RPRD1A: variants seen among roughly 807,000 people sequenced by gnomAD.
RPRD1A encodes regulation of nuclear pre-mRNA domain containing 1A.
In RPRD1A, 9 loss-of-function variants were observed where a neutral mutation model predicts 37.8. That is an observed-to-expected ratio of 0.24 (90% confidence interval 0.14 to 0.42). RPRD1A has a LOEUF of 0.42. RPRD1A is among the 10% of genes least tolerant of loss of function. RPRD1A has a pLI of 1.00. For synonymous variants in RPRD1A, 138 were observed against 139.7 expected (o/e 0.99, Z 0.08); for missense variants, 255 against 371.0 (o/e 0.69, Z 2.57).
chr18:36,067,509 C>G lies in RPRD1A; in HGVS notation c.-105G>C, dbSNP rs1233002649. On this transcript the variant is annotated 5_prime_UTR_variant, in exon 1 of 7. Coordinates refer to ENST00000399022, the MANE Select transcript of RPRD1A (RefSeq NM_018170.5). ...CCCCCTCACCCCACCCTTCCCCACGCTCTCACCACGGCCGCCGCTTCATCC... is the reference window on the plus strand; with the variant it reads ...CCCCCTCACCCCACCCTTCCCCACGGTCTCACCACGGCCGCCGCTTCATCC... 2.5e-6 allele frequency: 3 copies of G among 1,219,376 alleles called. No individual in the cohort carries two copies. Among genetic ancestry groups the G allele is most frequent in the African/African-American group, 3.1e-5 (2 of 64,998 alleles). The allele number at this position is 1,219,376 out of a possible 1,614,324, so 75.5% of individuals were successfully genotyped here.
Position 36,042,264 on chromosome 18 carries a change from T to C in RPRD1A, c.152-8427A>G, listed in dbSNP as rs143804065. 7.7e-3 allele frequency among the ~76,000 whole-genome samples: 1,167 copies of C among 152,284 alleles called. 46 individuals carry two copies. Among genetic ancestry groups the C allele is most frequent in the Admixed American group, 0.063 (969 of 15,294 alleles). ...TTCATAGCACTCCATACTATTCCTA[T>C]GGCACATCTACCCTAACTATAATTA... is the stretch of plus-strand genomic sequence containing the variant. On this transcript the variant is annotated intron_variant, in intron 1 of 6. Transcript: ENST00000399022.
chr18:36,016,572 T>C (rs960596615), intron 6 of RPRD1A, among the ~76,000 whole-genome samples: 1 of 152,192 alleles, frequency 6.6e-6, no homozygotes, highest in Non-Finnish European at 1.5e-5. Context: ...ATATCTCCTT[T>C]TGCTTTTTTT....
chr18:36,007,073 C>T (rs16967327), intron 6 of RPRD1A, among the ~76,000 whole-genome samples: 41,614 of 152,014 alleles, frequency 0.27, 6,153 homozygotes, highest in African/African-American at 0.4. Flanking sequence ...TCCCTTGCCA[C>T]CCTGTGTTTT....
At chr18:36,030,616 AAATATAC>A (rs1911708205) in intron 4 of RPRD1A, among the ~76,000 whole-genome samples, 185 bp downstream of exon 4, 1 of 152,244 alleles carries the variant, frequency 6.6e-6, no homozygotes, top group African/African-American at 2.4e-5. Flanking sequence ...TTTCTATGCA[AAATATAC>A]AATATACAAC....
chr18:36,056,221 G>A (rs948374557), intron 1 of RPRD1A, among the ~76,000 whole-genome samples: 1 of 151,876 alleles, frequency 6.6e-6, no homozygotes, highest in Admixed American at 6.6e-5. Context: ...ATTCTGGGTA[G>A]AGAAATGGTT....
chr18:36,054,336 G>GA (rs562491935), intron 1 of RPRD1A, among the ~76,000 whole-genome samples: 6 of 151,808 alleles, frequency 4.0e-5, no homozygotes, highest in Admixed American at 6.6e-5. Context: ...ACTAAAAATA[G>GA]AAAAAAATTA....
At chr18:36,045,788 G>T (rs962095996) in intron 1 of RPRD1A, among the ~76,000 whole-genome samples, 3 of 152,104 alleles carry the variant, frequency 2.0e-5, no homozygotes, top group Non-Finnish European at 4.4e-5. Context: ...CATTCCTTGG[G>T]AATCACATCA....
intron 6 of RPRD1A, chr18:36,025,817 G>T: frequency 3.3e-6 from 1 of 299,730 alleles, no homozygotes; most frequent in Admixed American, 5.0e-5. Context: ...TCATCACAAG[G>T]TGAAATAGTG....
intron 1 of RPRD1A, among the ~76,000 whole-genome samples, chr18:36,060,261 T>C (rs988333635): frequency 1.3e-5 from 2 of 151,754 alleles, no homozygotes; most frequent in South Asian, 2.1e-4. Context: ...AAAACCCCCA[T>C]CTCTACTAAA....
At position 35,993,380 on chromosome 18, in the gene RPRD1A, T is replaced by A. The variant is rs1339039535; in HGVS notation, c.790-80A>T. 5 of 1,368,372 alleles carry A rather than the reference T, an allele frequency of 3.7e-6. No individual in the cohort carries two copies. The East Asian group carries it at 1.2e-4, about 32-fold the overall frequency. The allele number at this position is 1,368,372 out of a possible 1,614,324, so 84.8% of individuals were successfully genotyped here. ...TAATAATGACCTACATAAACCCAGG[T>A]ACTATATATACTCAGTTAATGCCAT... On this transcript the variant is annotated intron_variant, in intron 6 of 6. Transcript: ENST00000399022.
chr18:36,059,255 A>G (rs903972357), intron 1 of RPRD1A, among the ~76,000 whole-genome samples: 6 of 151,974 alleles, frequency 3.9e-5, no homozygotes, highest in African/African-American at 1.5e-4. Context: ...CTTGTGCCTC[A>G]GCCTCCCAAG....
chr18:36,015,969 TG>T (rs1427689158), intron 6 of RPRD1A, among the ~76,000 whole-genome samples: 1 of 152,224 alleles, frequency 6.6e-6, no homozygotes, highest in Non-Finnish European at 1.5e-5. Flanking sequence ...GTATTTTACC[TG>T]AAGTTTTTTA....
At chr18:36,032,856 T>C (rs918636680) in intron 2 of RPRD1A, among the ~76,000 whole-genome samples, 1 of 152,242 alleles carries the variant, frequency 6.6e-6, no homozygotes, top group African/African-American at 2.4e-5. Flanking sequence ...TCTGAAATGT[T>C]TGAGACGCAT....
intron 6 of RPRD1A, chr18:36,025,645 C>T (rs920177265): frequency 4.3e-5 from 56 of 1,288,474 alleles, no homozygotes; most frequent in Admixed American, 2.5e-4. Flanking sequence ...CTAATGGTGA[C>T]GACATCGTTA....
intron 4 of RPRD1A, among the ~76,000 whole-genome samples, chr18:36,029,967 A>C (rs575871571): frequency 3.3e-5 from 5 of 151,530 alleles, no homozygotes; most frequent in African/African-American, 1.2e-4. Flanking sequence ...CACCACGCCC[A>C]GCTAATTTTT....
chr18:36,063,699 G>A lies in RPRD1A; in HGVS notation c.151+3555C>T, dbSNP rs1055775520. On this transcript the variant is annotated intron_variant, in intron 1 of 6. Coordinates refer to ENST00000399022, the MANE Select transcript of RPRD1A (RefSeq NM_018170.5). ...AATGTCTGGTACTCAGTAACTGATT[G>A]CCATTATCATTAAACTACAGGAGAT... is the stretch of plus-strand genomic sequence containing the variant. 4.6e-5 allele frequency among the ~76,000 whole-genome samples: 7 copies of A among 152,272 alleles called. 1 individual carries two copies. The highest frequency in any genetic ancestry group is 2.0e-4 in the Admixed American group (3 of 15,304).
At chr18:36,053,292 G>A (rs148687939) in intron 1 of RPRD1A, among the ~76,000 whole-genome samples, 26 of 152,146 alleles carry the variant, frequency 1.7e-4, no homozygotes, top group African/African-American at 5.5e-4. Context: ...AATATTTTCA[G>A]CACCTCCAAA....
chr18:36,060,407 C>G (rs889025884), intron 1 of RPRD1A, among the ~76,000 whole-genome samples: 6 of 151,922 alleles, frequency 3.9e-5, no homozygotes, highest in African/African-American at 1.5e-4. Flanking sequence ...GCACTCCAGC[C>G]TGGGCAACAA....
rs1326462932 is a variant in RPRD1A, at chr18:35,990,416, A to C, written c.*2735T>G. ...TTCTTATAGAAAAACCCTGATTCAGAGTGCATGTGATAGGAGATACCAAAA... is the reference window on the plus strand; with the variant it reads ...TTCTTATAGAAAAACCCTGATTCAGCGTGCATGTGATAGGAGATACCAAAA... On this transcript the variant is annotated 3_prime_UTR_variant, in exon 7 of 7. Coordinates refer to ENST00000399022, the MANE Select transcript of RPRD1A (RefSeq NM_018170.5). 6.6e-6 allele frequency: 1 copy of C among 152,190 alleles called. No homozygotes were observed. Among genetic ancestry groups the C allele is most frequent in the Non-Finnish European group, 1.5e-5 (1 of 68,028 alleles). 9.4% of individuals were successfully genotyped at this position (152,190 alleles called of 1,614,324 possible).
Sources: allele counts gnomAD v4.1 joint callset (sites outside exome capture counted in the v4.1 genomes callset), GRCh38; gene constraint gnomAD v4.1.1; transcripts MANE v1.5; gene names NCBI Gene and HGNC (gene_info 2026-07-23, HGNC 2026-07-21).